The following FMN1 variants were observed in gnomAD, a reference collection of about 807,000 sequenced individuals.
FMN1 encodes formin-1.
In FMN1, 110 loss-of-function variants were observed where a neutral mutation model predicts 132.4. The observed-to-expected ratio is 0.83, with a 90% CI of 0.71 to 0.97. The LOEUF is 0.97. Ranked by LOEUF, FMN1 falls within the 50% of genes least tolerant of loss-of-function variation. FMN1 has a pLI of 0.00. For missense variants in FMN1, 1,792 were observed against 1,705.3 expected, an observed-to-expected ratio of 1.05 and a Z score of -0.90; for synonymous variants, 722 against 651.7, an observed-to-expected ratio of 1.11 and a Z score of -1.64.
At chr15:32,833,463 G>C (rs2141171755) in intron 17 of FMN1, among the ~76,000 whole-genome samples, 1 of 152,268 alleles carries the variant, frequency 6.6e-6, no homozygotes, top group Admixed American at 6.5e-5. Flanking sequence ...CAGAGGAAGT[G>C]AGCCTTCTGA....
Position 32,953,191 on chromosome 15 carries a change from G to A in FMN1, c.3138+10916C>T, listed in dbSNP as rs1017098212. 2.6e-5 allele frequency among the ~76,000 whole-genome samples: 4 copies of A among 152,222 alleles called. No homozygotes were observed. In the East Asian group the frequency reaches 5.8e-4, roughly 22 times the overall value. On this transcript the variant is annotated intron_variant, in intron 9 of 20. Transcript: ENST00000616417. The stretch of plus-strand genomic sequence containing the variant: ...CGTTTGTACCCCACCTAGGAGATCT[G>A]ATAATGGTCCTGGCAGAGCTGTGGC...
intron 19 of FMN1, among the ~76,000 whole-genome samples, chr15:32,792,089 AGG>A (rs1206859029): frequency 6.6e-6 from 1 of 152,056 alleles, no homozygotes; most frequent in Non-Finnish European, 1.5e-5. Context: ...GAGATGAAGA[AGG>A]GGAGTAGTCA....
intron 6 of FMN1, 63 bp from the exon 7 acceptor site, chr15:33,008,138 C>G: frequency 2.4e-6 from 3 of 1,259,020 alleles, no homozygotes; most frequent in East Asian, 5.0e-5. Flanking sequence ...AATTTATCTA[C>G]TGGTCCTCTT....
intron 7 of FMN1, among the ~76,000 whole-genome samples, chr15:33,007,805 T>C (rs1442261722): frequency 1.3e-5 from 2 of 152,218 alleles, no homozygotes; most frequent in Non-Finnish European, 2.9e-5. Context: ...AATGCATTTA[T>C]GGTATTTTTT....
intron 10 of FMN1, among the ~76,000 whole-genome samples, chr15:32,924,435 A>C (rs949787274): frequency 5.4e-5 from 8 of 148,164 alleles, no homozygotes; most frequent in East Asian, 1.9e-4. Context: ...AAAGTAACTT[A>C]AGTGTCTTGT....
At chr15:33,181,638 A>C (rs574414022) in intron 2 of FMN1, among the ~76,000 whole-genome samples, 1 of 151,980 alleles carries the variant, frequency 6.6e-6, no homozygotes, top group Middle Eastern at 3.2e-3. Context: ...TTCAATGGAA[A>C]GTTATTGGAG....
chr15:32,878,690 G>A (rs2059693884), intron 16 of FMN1, among the ~76,000 whole-genome samples: 1 of 152,148 alleles, frequency 6.6e-6, no homozygotes, highest in Admixed American at 6.5e-5. Context: ...ATTTTTATAT[G>A]AGGATACTGA....
At chr15:32,846,979 C>A (rs4780043) in intron 17 of FMN1, among the ~76,000 whole-genome samples, 3 of 152,050 alleles carry the variant, frequency 2.0e-5, no homozygotes, top group Non-Finnish European at 4.4e-5. Flanking sequence ...AAAGAAAGAG[C>A]CTGACTGACT....
intron 6 of FMN1, among the ~76,000 whole-genome samples, chr15:33,056,780 A>G (rs2037236800): frequency 6.6e-6 from 1 of 152,252 alleles, no homozygotes; most frequent in South Asian, 2.1e-4. Flanking sequence ...ATGAAAATAA[A>G]TGAACTACAG....
intron 9 of FMN1, among the ~76,000 whole-genome samples, chr15:32,944,970 G>C (rs868067746): frequency 6.6e-6 from 1 of 152,084 alleles, no homozygotes; most frequent in South Asian, 2.1e-4. Flanking sequence ...TTGGCCCTGC[G>C]AACAGCTTTG....
At position 32,888,202 on chromosome 15, in the gene FMN1, C is replaced by A. The variant is rs1282891858; in HGVS notation, c.3805G>T (p.Asp1269Tyr). 6.2e-7 allele frequency: 1 copy of A among 1,612,276 alleles called. No individual in the cohort carries two copies. Among genetic ancestry groups the A allele is most frequent in the South Asian group, 1.1e-5 (1 of 90,656 alleles). Residue 1269 changes from aspartate (D) to tyrosine (Y), a missense_variant, in exon 16 of 21, where the codon GAT (aspartate) becomes TAT (tyrosine). Coordinates refer to ENST00000616417, the MANE Select transcript of FMN1 (RefSeq NM_001277313.2). Reference sequence around the variant, plus strand: ...AGTTGCCTCTTCAGTTTTCTCAAATCTTTTATGAGGTCTTCAAACTTGACT... The same window carrying A: ...AGTTGCCTCTTCAGTTTTCTCAAATATTTTATGAGGTCTTCAAACTTGACT... ...SQVKFEDLIK[D>Y]LRKLKRQLEA...
chr15:32,981,959 G>A (rs965692690), intron 7 of FMN1, among the ~76,000 whole-genome samples: 4 of 151,856 alleles, frequency 2.6e-5, no homozygotes, highest in African/African-American at 9.7e-5. Context: ...GCCACACAGG[G>A]AAAAAATGTT....
rs2060378753 is a variant in FMN1, at chr15:32,904,697, A to G, written c.3378-2657T>C. Among the ~76,000 whole-genome samples, 3 of 152,214 alleles carry G rather than the reference A, an allele frequency of 2.0e-5. No individual in the cohort carries two copies. The South Asian group carries it at 6.2e-4, about 32-fold the overall frequency. On this transcript the variant is annotated intron_variant, in intron 12 of 20. Transcript: ENST00000616417. ...ATTGGGTATAGCGAAAATACAAAAT[A>G]ATAAAGAAGCAAATTTGGAGGAAAA...
In FMN1 at chr15:33,154,898, C is replaced by T; in HGVS notation, c.17G>A (p.Cys6Tyr). 1 of 1,533,156 alleles carries T rather than the reference C, an allele frequency of 6.5e-7. No homozygotes were observed. Among genetic ancestry groups the T allele is most frequent in the South Asian group, 1.2e-5 (1 of 83,488 alleles). The allele number at this position is 1,533,156 out of a possible 1,614,324, so 95.0% of individuals were successfully genotyped here. A position where few individuals can be genotyped will look rare whatever the true frequency, so the allele number is the denominator to read the frequency against. The change falls in exon 4 of 21, where the codon TGT (cysteine) becomes TAT (tyrosine). Residue 6 changes from cysteine to tyrosine, a missense_variant. This residue lies in a region of FMN1 where 638 missense variants were observed against 645.2 expected (regional missense o/e 0.99). Coordinates refer to ENST00000616417, the MANE Select transcript of FMN1 (RefSeq NM_001277313.2). Reference sequence around the variant, plus strand: ...AATGGGCTTATGCAATTGGAGGGTACAATGAGTGCCTTCCATTATGCCTAC... The same window carrying T: ...AATGGGCTTATGCAATTGGAGGGTATAATGAGTGCCTTCCATTATGCCTAC... Reference protein sequence around the residue: MEGTHCTLQLHKPITE... With the variant: MEGTHYTLQLHKPITE...
At chr15:32,990,838 A>G (rs532111787) in intron 7 of FMN1, among the ~76,000 whole-genome samples, 365 of 152,278 alleles carry the variant, frequency 2.4e-3, no homozygotes, top group Non-Finnish European at 3.8e-3. Flanking sequence ...AGTCAAGCAA[A>G]GGGAGAAGCC....
At chr15:33,161,356 G>A (rs71462852) in intron 3 of FMN1, among the ~76,000 whole-genome samples, 8,416 of 152,122 alleles carry the variant, frequency 0.055, 317 homozygotes, top group Non-Finnish European at 0.069. Flanking sequence ...AAGAGGGCTC[G>A]GGACCTTTAT....
intron 17 of FMN1, among the ~76,000 whole-genome samples, chr15:32,815,823 T>C (rs2058043589): frequency 6.6e-6 from 1 of 152,158 alleles, no homozygotes; most frequent in Non-Finnish European, 1.5e-5. Flanking sequence ...GTATGCCAGG[T>C]GCTATGATAC....
chr15:33,087,822 T>C (rs536412615), intron 5 of FMN1, among the ~76,000 whole-genome samples: 3,837 of 99,660 alleles, frequency 0.039, 160 homozygotes, highest in African/African-American at 0.13. Context: ...CACATATATA[T>C]ACATATATAC....
intron 6 of FMN1, among the ~76,000 whole-genome samples, chr15:33,014,288 GCTT>G (rs1440446638): frequency 1.3e-5 from 2 of 152,210 alleles, no homozygotes; most frequent in African/African-American, 4.8e-5. Context: ...GCCCCCAGAT[GCTT>G]CTTGAGGCTT....
Sources: gnomAD v4.1 joint callset for allele counts (sites outside exome capture counted in the v4.1 genomes callset) on GRCh38, gnomAD v4.1.1 for gene constraint, gnomAD v4.1.1 regional missense constraint, MANE v1.5 for transcripts, NCBI Gene and HGNC (gene_info 2026-07-23, HGNC 2026-07-21) for gene names.